ITPR1: variants seen among roughly 807,000 people sequenced by gnomAD.
The protein encoded by ITPR1 is inositol 1,4,5-trisphosphate-gated calcium channel ITPR1.
Under a neutral mutation model 318.4 loss-of-function variants are expected in ITPR1, and 96 were observed. That is an observed-to-expected ratio of 0.30 (90% CI 0.26 to 0.36). The LOEUF (loss-of-function observed/expected upper bound fraction) is 0.36, where lower values mean the gene tolerates loss of function less well. ITPR1 is among the 10% of genes least tolerant of loss of function. The pLI, the probability that ITPR1 is intolerant of heterozygous loss-of-function variation, is 1.00. For synonymous variants in ITPR1, 1,312 were observed against 1,289.9 expected, an observed-to-expected ratio of 1.02 and a Z score of -0.37; for missense variants, 2,440 against 3,460.2, an observed-to-expected ratio of 0.71 and a Z score of 7.40.
chr3:4,590,284 T>G (rs1021174233), intron 4 of ITPR1, among the ~76,000 whole-genome samples: 7 of 151,466 alleles, frequency 4.6e-5, no homozygotes, highest in African/African-American at 1.5e-4. Context: ...GAATTTAAGT[T>G]GCATGAGGAC....
intron 4 of ITPR1, among the ~76,000 whole-genome samples, chr3:4,578,248 C>G (rs2088895918): frequency 6.6e-6 from 1 of 152,158 alleles, no homozygotes; most frequent in South Asian, 2.1e-4. Context: ...ATGTAAGATT[C>G]TATAGAAAAC....
intron 44 of ITPR1, among the ~76,000 whole-genome samples, chr3:4,748,963 T>C (rs1374811604): frequency 1.3e-5 from 2 of 152,164 alleles, no homozygotes; most frequent in Non-Finnish European, 2.9e-5. Flanking sequence ...CCGCGGGGAT[T>C]TAGAAGAGAA....
chr3:4,665,431 G>A (rs2093925209), intron 17 of ITPR1, 135 bp downstream of exon 17: 2 of 739,888 alleles, frequency 2.7e-6, no homozygotes, highest in East Asian at 5.6e-5. Flanking sequence ...GCTTGCTCTT[G>A]GGAAGGAAAC....
intron 53 of ITPR1, 139 bp downstream of exon 53, chr3:4,795,326 G>C: frequency 1.5e-6 from 1 of 689,466 alleles, no homozygotes; most frequent in Non-Finnish European, 2.2e-6. Context: ...GGAGATTGTA[G>C]CTGTTACCAT....
chr3:4,652,840 T>C (rs998615765), intron 11 of ITPR1, among the ~76,000 whole-genome samples: 2 of 152,078 alleles, frequency 1.3e-5, no homozygotes, highest in Non-Finnish European at 2.9e-5. Context: ...CTACAAAAAT[T>C]AGCCAGGTGT....
intron 11 of ITPR1, among the ~76,000 whole-genome samples, chr3:4,652,508 C>T (rs114208954): frequency 1.2e-4 from 18 of 152,166 alleles, no homozygotes; most frequent in African/African-American, 3.6e-4. Flanking sequence ...CTTTTATATA[C>T]GACCCTCCCC....
intron 47 of ITPR1, among the ~76,000 whole-genome samples, chr3:4,776,286 G>A (rs1023463122): frequency 1.3e-5 from 2 of 152,156 alleles, no homozygotes; most frequent in African/African-American, 2.4e-5. Context: ...TGGCCAGGCT[G>A]GTCTTGAACT....
intron 32 of ITPR1, among the ~76,000 whole-genome samples, chr3:4,693,236 G>A (rs1344656901): frequency 6.6e-6 from 1 of 152,232 alleles, no homozygotes. Context: ...ATGCATTAAT[G>A]CTGGTATGCA....
intron 13 of ITPR1, among the ~76,000 whole-genome samples, chr3:4,660,328 G>T (rs2093804602): frequency 6.6e-6 from 1 of 151,504 alleles, no homozygotes; most frequent in East Asian, 1.9e-4. Flanking sequence ...TTATTGATTT[G>T]TAACAGCCCT....
chr3:4,693,505 G>T lies in ITPR1; in HGVS notation c.4045G>T (p.Glu1349Ter). The change falls in exon 33 of 62, where the codon GAG becomes TAG. Residue 1349 changes from glutamate (E) to a stop codon, truncating the protein, a stop_gained. Coordinates refer to ENST00000649015, the MANE Select transcript of ITPR1 (RefSeq NM_001378452.1). LOFTEE classifies it high-confidence loss of function. ...MVMAELVNSGEDVLVFYNDRA... is the reference protein window; with the variant it reads ...MVMAELVNSG ...CTTTATGTAGCTGGTCAATTCGGGAGAGGATGTCCTCGTGTTCTACAACGA... is the reference window on the plus strand; with the variant it reads ...CTTTATGTAGCTGGTCAATTCGGGATAGGATGTCCTCGTGTTCTACAACGA... 1 of 1,613,916 alleles carries T rather than the reference G, an allele frequency of 6.2e-7. No homozygotes were observed. Among genetic ancestry groups the T allele is most frequent in the East Asian group, 2.2e-5 (1 of 44,888 alleles).
intron 55 of ITPR1, 62 bp downstream of exon 55, chr3:4,806,329 C>G (rs1254918240): frequency 1.4e-6 from 2 of 1,466,504 alleles, no homozygotes; most frequent in Non-Finnish European, 1.9e-6. Flanking sequence ...CCTATGTCCT[C>G]TCTCTCATCA....
chr3:4,758,195 G>A (rs546673697), intron 44 of ITPR1, among the ~76,000 whole-genome samples: 1 of 152,302 alleles, frequency 6.6e-6, no homozygotes, highest in Non-Finnish European at 1.5e-5. Context: ...AGGCAGTGAG[G>A]TGGAAAATCC....
intron 11 of ITPR1, 142 bp from the exon 12 acceptor site, chr3:4,653,700 A>G: frequency 1.6e-6 from 1 of 618,650 alleles, no homozygotes; most frequent in Non-Finnish European, 3.0e-6. Flanking sequence ...TTGTCGTGGC[A>G]TGCTGGTTTT....
At chr3:4,510,819 A>T (rs189898554) in intron 2 of ITPR1, among the ~76,000 whole-genome samples, 29 of 152,264 alleles carry the variant, frequency 1.9e-4, no homozygotes, top group Admixed American at 1.1e-3. Flanking sequence ...TCTGGTGGAA[A>T]TGGTAGTTGA....
At chr3:4,605,915 C>T (rs367986770) in intron 4 of ITPR1, among the ~76,000 whole-genome samples, 4 of 152,006 alleles carry the variant, frequency 2.6e-5, no homozygotes, top group South Asian at 2.1e-4. Flanking sequence ...GGAGTGGGGC[C>T]GACATCAGAC....
intron 4 of ITPR1, among the ~76,000 whole-genome samples, chr3:4,554,745 G>T (rs537377917): frequency 5.3e-5 from 8 of 152,264 alleles, no homozygotes; most frequent in African/African-American, 1.9e-4. Context: ...TCATTGGGTG[G>T]AGGATGACAA....
chr3:4,537,634 G>C (rs188330085), intron 4 of ITPR1, among the ~76,000 whole-genome samples: 2 of 152,166 alleles, frequency 1.3e-5, no homozygotes, highest in Non-Finnish European at 2.9e-5. Context: ...AGGAGGATTC[G>C]AGTTAATAGG....
At chr3:4,619,364 T>C (rs1232853149) in intron 4 of ITPR1, among the ~76,000 whole-genome samples, 1 of 152,216 alleles carries the variant, frequency 6.6e-6, no homozygotes, top group East Asian at 1.9e-4. Flanking sequence ...TTTCCTGAAT[T>C]TCCTCTTGTA....
At chr3:4,623,355 T>C (rs1021363202) in intron 4 of ITPR1, among the ~76,000 whole-genome samples, 3 of 152,252 alleles carry the variant, frequency 2.0e-5, no homozygotes, top group African/African-American at 7.2e-5. Flanking sequence ...ATGTGGCATA[T>C]GCTCTAACTT....
Sources: gnomAD v4.1 joint callset for allele counts (sites outside exome capture counted in the v4.1 genomes callset) on GRCh38, gnomAD v4.1.1 for gene constraint, MANE v1.5 for transcripts, NCBI Gene and HGNC (gene_info 2026-07-23, HGNC 2026-07-21) for gene names.